Variants in ZFP28 observed in about 807,000 individuals in gnomAD.
The protein encoded by ZFP28 is ZFP28 zinc finger protein, also known as zinc finger protein 28 homolog.
In ZFP28, 31 loss-of-function variants were observed where a neutral mutation model predicts 39.5. That is an observed-to-expected ratio of 0.79 (90% CI 0.59 to 1.06). The LOEUF (loss-of-function observed/expected upper bound fraction) is 1.06. ZFP28 is among the 50% of genes least tolerant of loss of function. ZFP28 has a pLI of 0.00. For missense variants in ZFP28, 925 were observed against 1,048.4 expected (o/e 0.88, Z 1.63); for synonymous variants, 400 against 378.6 (o/e 1.06, Z -0.66).
At position 56,549,137 on chromosome 19, in the gene ZFP28, A is replaced by G. The variant is rs970372037; in HGVS notation, c.687+16A>G. ...GACACAGCCGGTAAGTCACAAGACAAATTTCAGGCAAGAGGAAGGATCCTT... is the reference window on the plus strand; with the variant it reads ...GACACAGCCGGTAAGTCACAAGACAGATTTCAGGCAAGAGGAAGGATCCTT... On this transcript the variant is annotated intron_variant, in intron 5 of 7. Coordinates refer to ENST00000301318, the MANE Select transcript of ZFP28 (RefSeq NM_020828.2). 1.3e-6 allele frequency: 2 copies of G among 1,590,048 alleles called. No individual in the cohort carries two copies. The highest frequency in any genetic ancestry group is 2.7e-5 in the African/African-American group (2 of 74,222).
chr19:56,541,743 C>A (rs553012009), intron 2 of ZFP28, among the ~76,000 whole-genome samples: 1 of 151,954 alleles, frequency 6.6e-6, no homozygotes, highest in African/African-American at 2.4e-5. Flanking sequence ...TAGTACTTTT[C>A]TTTTGAGACA....
chr19:56,550,383 T>C (rs1158401002), intron 6 of ZFP28, 127 bp from the exon 7 acceptor site: 1 of 922,710 alleles, frequency 1.1e-6, no homozygotes, highest in African/African-American at 1.7e-5. Context: ...TCTTGTGTCT[T>C]TCAGATCCTA....
chr19:56,551,338 C>T (rs2044300301), intron 7 of ZFP28: 47 of 986,970 alleles, frequency 4.8e-5, no homozygotes, highest in Non-Finnish European at 5.7e-5. Flanking sequence ...GAATATAAAA[C>T]CGTGACGTTA....
chr19:56,555,229 A>G lies in ZFP28; in HGVS notation c.2444A>G (p.Tyr815Cys), dbSNP rs1364942441. Reference sequence around the variant, plus strand: ...CATACTGGAGAGAGATCTTATAACTATAAGAAAAGCAGAAAAGTCTTCAGG... The same window carrying G: ...CATACTGGAGAGAGATCTTATAACTGTAAGAAAAGCAGAAAAGTCTTCAGG... ...RVHTGERSYN[Y>C]KKSRKVFRQT... Residue 815 changes from tyrosine to cysteine, a missense_variant, in exon 8 of 8, where the codon TAT (tyrosine) becomes TGT (cysteine). Physicochemically the swap from Tyr to Cys is radical, Grantham distance 194 (BLOSUM62 -2). Coordinates refer to ENST00000301318, the MANE Select transcript of ZFP28 (RefSeq NM_020828.2). 7 of 1,614,082 alleles carry G rather than the reference A, an allele frequency of 4.3e-6. No individual in the cohort carries two copies. Among genetic ancestry groups the G allele is most frequent in the Admixed American group, 1.7e-5 (1 of 60,002 alleles).
At chr19:56,542,562 C>T (rs1297793383) in intron 2 of ZFP28, among the ~76,000 whole-genome samples, 1 of 152,324 alleles carries the variant, frequency 6.6e-6, no homozygotes, top group East Asian at 1.9e-4. Context: ...CTTAATTTAT[C>T]TCAGTTTCTC....
chr19:56,537,617 T>G (rs1246574440), upstream of ZFP28: 1 of 152,258 alleles, frequency 6.6e-6, no homozygotes, highest in Non-Finnish European at 1.5e-5. Context: ...AAGCCTTTTC[T>G]ATGAGACTGA....
In ZFP28 at chr19:56,544,836, A is replaced by G. The variant is rs2044225872; in HGVS notation, c.301-2672A>G. On this transcript the variant is annotated intron_variant, in intron 2 of 7. Coordinates refer to ENST00000301318, the MANE Select transcript of ZFP28 (RefSeq NM_020828.2). ...TTTTAAAACAAAAGTCATTGATTCT[A>G]TACATAAAGAGCTGTCCGAATAAAC... 5 of 152,254 alleles carry G rather than the reference A, an allele frequency of 3.3e-5. No homozygotes were observed. The South Asian group carries it at 1.0e-3, about 31-fold the overall frequency. 9.4% of individuals were successfully genotyped at this position (152,254 alleles called of 1,614,324 possible). A position where few individuals can be genotyped will look rare whatever the true frequency, so the allele number is the denominator to read the frequency against.
chr19:56,555,313 C>G lies in ZFP28; in HGVS notation c.2528C>G (p.Pro843Arg). ...RIHTGESSTC[P>R]SLPSTSNPVD... ...CATACTGGAGAGTCGTCAACATGCC[C>G]CTCTTTACCTTCCACGTCAAATCCT... Residue 843 changes from proline to arginine, a missense_variant, in exon 8 of 8, where the codon CCC (proline) becomes CGC (arginine). Pro to Arg is a moderately radical substitution (Grantham distance 103). This residue lies in a region of ZFP28 where 369 missense variants were observed against 505.5 expected (regional missense o/e 0.73). Transcript: ENST00000301318. 6.2e-7 allele frequency: 1 copy of G among 1,614,046 alleles called. No homozygotes were observed. The highest frequency in any genetic ancestry group is 8.5e-7 in the Non-Finnish European group (1 of 1,180,012).
Position 56,547,486 on chromosome 19 carries a change from G to T in ZFP28, c.301-22G>T. 6.2e-7 allele frequency: 1 copy of T among 1,614,160 alleles called. No homozygotes were observed. ...GGGGGCATGAGCACTGGTTGAGCAA[G>T]AACATGGTTATATCATTTCAGGGCT... On this transcript the variant is annotated intron_variant, in intron 2 of 7. Transcript: ENST00000301318. The surrounding 1 kb of genome is among the most constrained non-coding windows in gnomAD (Gnocchi z 4.6).
intron 7 of ZFP28, chr19:56,550,919 T>C (rs764524606): frequency 3.5e-6 from 5 of 1,425,118 alleles, no homozygotes; most frequent in Non-Finnish European, 4.6e-6. Context: ...TTTTCTCTTC[T>C]GTGGTTAAAT....
intron 2 of ZFP28, 108 bp downstream of exon 2, chr19:56,539,824 G>T (rs1187809584): frequency 1.0e-6 from 1 of 996,172 alleles, no homozygotes; most frequent in Non-Finnish European, 1.5e-6. Context: ...GTTTGGGCGC[G>T]GGTTTCTATT....
Position 56,555,600 on chromosome 19 carries a change from A to C in ZFP28, c.*208A>C. 1 of 611,506 alleles carries C rather than the reference A, an allele frequency of 1.6e-6. No homozygotes were observed. Among genetic ancestry groups the C allele is most frequent in the East Asian group, 3.1e-5 (1 of 32,534 alleles). 37.9% of individuals were successfully genotyped at this position (611,506 alleles called of 1,614,324 possible). On this transcript the variant is annotated 3_prime_UTR_variant, in exon 8 of 8. Transcript: ENST00000301318. ...AGTGCCTGGTCCATAGTAAGTGCTC[A>C]GTAAACTTAGCTGTTTTAAAAACTT... is the stretch of plus-strand genomic sequence containing the variant.
chr19:56,548,643 C>T lies in ZFP28; in HGVS notation c.524-315C>T, dbSNP rs140547819. 1.1e-4 allele frequency among the ~76,000 whole-genome samples: 16 copies of T among 152,228 alleles called. 1 individual carries two copies. Among genetic ancestry groups the T allele is most frequent in the African/African-American group, 3.9e-4 (16 of 41,544 alleles). On this transcript the variant is annotated intron_variant, in intron 4 of 7. Coordinates refer to ENST00000301318, the MANE Select transcript of ZFP28 (RefSeq NM_020828.2). Reference sequence around the variant, plus strand: ...TTACATTTAAGTCTTTGTGAGCTCCCTTATCTCTTGATTTTTAATTGCTTT... The same window carrying T: ...TTACATTTAAGTCTTTGTGAGCTCCTTTATCTCTTGATTTTTAATTGCTTT...
intron 7 of ZFP28, 81 bp from the exon 8 acceptor site, chr19:56,553,603 A>G: frequency 6.7e-7 from 1 of 1,488,690 alleles, no homozygotes; most frequent in Non-Finnish European, 9.0e-7. Context: ...TTAGTGAATT[A>G]ATTCACTAGT....
chr19:56,549,144 G>A (rs771555571), intron 5 of ZFP28, 23 bp downstream of exon 5: 2 of 1,588,412 alleles, frequency 1.3e-6, no homozygotes, highest in Non-Finnish European at 8.6e-7. Context: ...ACAAATTTCA[G>A]GCAAGAGGAA....
At position 56,555,134 on chromosome 19, in the gene ZFP28, A is replaced by G; in HGVS notation, c.2349A>G (p.Lys783=). Residue 783 remains lysine, a synonymous_variant, in exon 8 of 8, where the codon AAA becomes AAG. Transcript: ENST00000301318. ...SVHQRIHSGK[K]PYECKECRKT... ...ATCAGAGAATCCATTCTGGAAAGAA[A>G]CCATATGAATGTAAGGAATGTAGGA... is the stretch of plus-strand genomic sequence containing the variant. 1 of 1,614,230 alleles carries G rather than the reference A, an allele frequency of 6.2e-7. No individual in the cohort carries two copies.
At chr19:56,549,208 T>C in intron 5 of ZFP28, 87 bp downstream of exon 5, 2 of 1,440,020 alleles carry the variant, frequency 1.4e-6, no homozygotes, top group South Asian at 1.5e-5. Context: ...CTACAACAAC[T>C]ATAAGAGAAG....
Position 56,547,457 on chromosome 19 carries a change from A to G in ZFP28, c.301-51A>G. 1 of 1,612,168 alleles carries G rather than the reference A, an allele frequency of 6.2e-7. No homozygotes were observed. Among genetic ancestry groups the G allele is most frequent in the East Asian group, 2.2e-5 (1 of 44,862 alleles). ...TTCTTTCTATAACAAACCCCCAGTC[A>G]TGTGGGGGCATGAGCACTGGTTGAG... On this transcript the variant is annotated intron_variant, in intron 2 of 7. Coordinates refer to ENST00000301318, the MANE Select transcript of ZFP28 (RefSeq NM_020828.2). This position sits in a 1 kb window ranked among gnomAD's most constrained non-coding sequence, Gnocchi z 4.6.
Position 56,539,665 on chromosome 19 carries a change from C to T in ZFP28, c.249C>T (p.Asn83=), listed in dbSNP as rs563269146. 6.2e-7 allele frequency: 1 copy of T among 1,614,150 alleles called. No individual in the cohort carries two copies. Among genetic ancestry groups the T allele is most frequent in the African/African-American group, 1.3e-5 (1 of 75,034 alleles). ...ACACTGCTCTTCCCCAGGAGAGAAA[C>T]AAGAAGCTGGAGGCTGTGGGGACAG... The part of the protein sequence containing the change: ...SRDTALPQER[N]KKLEAVGTGI... Residue 83 remains asparagine, a synonymous_variant, in exon 2 of 8, where the codon AAC becomes AAT. Coordinates refer to ENST00000301318, the MANE Select transcript of ZFP28 (RefSeq NM_020828.2).
Sources: allele counts gnomAD v4.1 joint callset (sites outside exome capture counted in the v4.1 genomes callset), GRCh38; gene constraint gnomAD v4.1.1; regional missense constraint gnomAD v4.1.1; non-coding constraint Gnocchi (gnomAD v3.1); transcripts MANE v1.5; gene names NCBI Gene and HGNC (gene_info 2026-07-23, HGNC 2026-07-21).